The following TMPRSS11E variants were observed in gnomAD, a reference collection of about 807,000 sequenced individuals.
TMPRSS11E encodes transmembrane serine protease 11E.
A neutral mutation model predicts 48.1 loss-of-function variants in TMPRSS11E; 38 were observed. The observed-to-expected ratio is 0.79, with a 90% CI of 0.61 to 1.04. TMPRSS11E has a LOEUF of 1.04. Among genes scored for constraint, TMPRSS11E ranks in the 50% least tolerant of loss-of-function variants. The pLI, the probability that TMPRSS11E is intolerant of heterozygous loss-of-function variation, is 0.00. For synonymous variants in TMPRSS11E, 158 were observed against 171.9 expected (o/e 0.92, Z 0.63); for missense variants, 530 against 510.8 (o/e 1.04, Z -0.36).
At chr4:68,495,626 A>AT (rs1253452219) in intron 9 of TMPRSS11E, among the ~76,000 whole-genome samples, 1 of 152,106 alleles carries the variant, frequency 6.6e-6, no homozygotes, top group African/African-American at 2.4e-5. Context: ...ATATTAGTTA[A>AT]TTTTTTAAAT....
chr4:68,485,582 T>C (rs2109712530), intron 9 of TMPRSS11E, among the ~76,000 whole-genome samples: 1 of 152,332 alleles, frequency 6.6e-6, no homozygotes, highest in Non-Finnish European at 1.5e-5. Flanking sequence ...TGCATCAATG[T>C]TCATCAAGGA....
chr4:68,448,698 A>AT (rs1472202656), intron 1 of TMPRSS11E, among the ~76,000 whole-genome samples: 1 of 151,874 alleles, frequency 6.6e-6, no homozygotes, highest in Admixed American at 6.6e-5. Flanking sequence ...AGATGTGACT[A>AT]TTTTTAAAAA....
chr4:68,460,551 A>G (rs1261126639), intron 1 of TMPRSS11E, among the ~76,000 whole-genome samples: 1 of 151,994 alleles, frequency 6.6e-6, no homozygotes, highest in African/African-American at 2.4e-5. Context: ...AACACCCAGT[A>G]CTCCTCCAGG....
At chr4:68,466,842 A>T in intron 3 of TMPRSS11E, 90 bp downstream of exon 3, 1 of 1,535,170 alleles carries the variant, frequency 6.5e-7, no homozygotes, top group South Asian at 1.2e-5. Context: ...CCATTCAACT[A>T]ACGGATCCCT....
At chr4:68,482,684 A>G (rs1729442037) in intron 9 of TMPRSS11E, among the ~76,000 whole-genome samples, 1 of 150,382 alleles carries the variant, frequency 6.6e-6, no homozygotes. Flanking sequence ...AGGTGGGAAG[A>G]TTGATTGATC....
chr4:68,474,831 T>C, intron 6 of TMPRSS11E, 70 bp downstream of exon 6: 1 of 1,328,068 alleles, frequency 7.5e-7, no homozygotes, highest in Non-Finnish European at 1.1e-6. Context: ...GTCATTTAGG[T>C]TTACTTTGTG....
Position 68,496,636 on chromosome 4 carries a change from C to T in TMPRSS11E, c.1111-7C>T. The stretch of plus-strand genomic sequence containing the variant: ...TATGAATTACTAATTTCTGTCTTCT[C>T]CTTTAGGGTGACTCTGGAGGACCAC... On this transcript the variant is annotated splice_polypyrimidine_tract_variant and splice_region_variant and intron_variant, in intron 9 of 9. Transcript: ENST00000305363. The T allele has an allele frequency of 6.2e-7, 1 of 1,608,994 alleles. No individual in the cohort carries two copies. Among genetic ancestry groups the T allele is most frequent in the Non-Finnish European group, 8.5e-7 (1 of 1,178,126 alleles).
At chr4:68,492,664 A>T (rs1007617945) in intron 9 of TMPRSS11E, among the ~76,000 whole-genome samples, 2 of 152,208 alleles carry the variant, frequency 1.3e-5, no homozygotes, top group Non-Finnish European at 2.9e-5. Flanking sequence ...AATGTATATT[A>T]AATAGAACGT....
At chr4:68,488,367 T>G (rs1729620726) in intron 9 of TMPRSS11E, among the ~76,000 whole-genome samples, 1 of 152,176 alleles carries the variant, frequency 6.6e-6, no homozygotes, top group Non-Finnish European at 1.5e-5. Context: ...GAATATCTTT[T>G]TCTTTATCTA....
intron 1 of TMPRSS11E, among the ~76,000 whole-genome samples, chr4:68,455,299 T>A (rs1475678765): frequency 6.6e-6 from 1 of 151,968 alleles, no homozygotes; most frequent in African/African-American, 2.4e-5. Flanking sequence ...ATGTGAGGCA[T>A]GGAACATTAG....
At chr4:68,466,484 G>A in intron 2 of TMPRSS11E, 147 bp from the exon 3 acceptor site, 3 of 748,678 alleles carry the variant, frequency 4.0e-6, no homozygotes. Context: ...AGATAACTAT[G>A]AGGCCTGGGG....
intron 1 of TMPRSS11E, among the ~76,000 whole-genome samples, chr4:68,452,101 A>G (rs897675514): frequency 3.3e-5 from 5 of 151,904 alleles, no homozygotes; most frequent in African/African-American, 1.2e-4. Context: ...ATGCTCAAAG[A>G]TGAGATAATT....
At chr4:68,479,116 C>T (rs1401794217) in intron 9 of TMPRSS11E, 125 bp downstream of exon 9, 1 of 1,082,258 alleles carries the variant, frequency 9.2e-7, no homozygotes, top group East Asian at 2.4e-5. Context: ...CCAGTTTTCT[C>T]CAATGATTAC....
intron 9 of TMPRSS11E, among the ~76,000 whole-genome samples, chr4:68,490,751 C>CTTTT (rs1158277585): frequency 0.079 from 5,504 of 69,290 alleles, 1,119 homozygotes; most frequent in African/African-American, 0.13. Context: ...TCAGCATATT[C>CTTTT]TTTTTTTTTT....
At chr4:68,478,820 A>C in intron 8 of TMPRSS11E, 29 bp from the exon 9 acceptor site, 1 of 1,610,096 alleles carries the variant, frequency 6.2e-7, no homozygotes, top group Non-Finnish European at 8.5e-7. Context: ...ATGTATGTCT[A>C]CAAATACAAA....
intron 9 of TMPRSS11E, among the ~76,000 whole-genome samples, chr4:68,490,517 G>T (rs2109720137): frequency 6.6e-6 from 1 of 152,094 alleles, no homozygotes; most frequent in Non-Finnish European, 1.5e-5. Flanking sequence ...AGGGACTAAT[G>T]CTCATTACTA....
chr4:68,454,902 A>G (rs1026889703), intron 1 of TMPRSS11E, among the ~76,000 whole-genome samples: 3 of 151,958 alleles, frequency 2.0e-5, no homozygotes, highest in African/African-American at 7.2e-5. Context: ...GTAATGATCA[A>G]ATCAAGGTAA....
intron 1 of TMPRSS11E, among the ~76,000 whole-genome samples, chr4:68,450,321 G>T (rs1452420731): frequency 2.0e-5 from 3 of 151,856 alleles, no homozygotes; most frequent in Non-Finnish European, 2.9e-5. Context: ...TTAAATTTTG[G>T]TAATGTTTTG....
intron 1 of TMPRSS11E, 81 bp from the exon 2 acceptor site, chr4:68,461,740 T>TC (rs1728796045): frequency 1.3e-6 from 2 of 1,593,740 alleles, no homozygotes; most frequent in East Asian, 2.2e-5. Context: ...TGTCCTTTAT[T>TC]CCCCCAAAAT....
Sources: allele counts gnomAD v4.1 joint callset (sites outside exome capture counted in the v4.1 genomes callset), GRCh38; gene constraint gnomAD v4.1.1; transcripts MANE v1.5; gene names NCBI Gene and HGNC (gene_info 2026-07-23, HGNC 2026-07-21).